LRRC38: variants seen among roughly 807,000 people sequenced by gnomAD.
The protein encoded by LRRC38 is leucine rich repeat containing 38.
In LRRC38, 5 loss-of-function variants were observed where a neutral mutation model predicts 16.4. The ratio of observed to expected loss-of-function variants is 0.31; its 90% CI spans 0.16 to 0.64. The LOEUF (loss-of-function observed/expected upper bound fraction) is 0.64. LRRC38 is among the 30% of genes least tolerant of loss of function. LRRC38 has a pLI of 0.80. For synonymous variants in LRRC38, 191 were observed against 190.2 expected (o/e 1.00, Z -0.04); for missense variants, 341 against 401.8 (o/e 0.85, Z 1.29).
chr1:13,484,034 A>C (rs1317649764), intron 1 of LRRC38, among the ~76,000 whole-genome samples: 1 of 152,084 alleles, frequency 6.6e-6, no homozygotes, highest in Non-Finnish European at 1.5e-5. Flanking sequence ...TCCTCTGCTC[A>C]ACATCCCTCC....
intron 1 of LRRC38, among the ~76,000 whole-genome samples, chr1:13,506,543 C>T (rs1639215831): frequency 6.6e-6 from 1 of 152,138 alleles, no homozygotes; most frequent in African/African-American, 2.4e-5. Flanking sequence ...CTGCAACCTC[C>T]ACCTCCCAGG....
At chr1:13,504,725 G>T (rs75270443) in intron 1 of LRRC38, among the ~76,000 whole-genome samples, 7,465 of 117,040 alleles carry the variant, frequency 0.064, 338 homozygotes, top group South Asian at 0.11. Context: ...TGTGTTGAAG[G>T]GGGGAGGGGA....
intron 1 of LRRC38, among the ~76,000 whole-genome samples, chr1:13,480,145 G>A (rs931303326): frequency 6.6e-6 from 1 of 152,202 alleles, no homozygotes; most frequent in Non-Finnish European, 1.5e-5. Context: ...AGGAGCTCCA[G>A]ACCAACCTCG....
In LRRC38 at chr1:13,475,663, G is replaced by C. The variant is rs944948176; in HGVS notation, c.*183C>G. 2 of 703,478 alleles carry C rather than the reference G, an allele frequency of 2.8e-6. No homozygotes were observed. Among genetic ancestry groups the C allele is most frequent in the Admixed American group, 5.9e-5 (2 of 33,924 alleles). 43.6% of individuals were successfully genotyped at this position (703,478 alleles called of 1,614,324 possible). ...CATCCTTCCTGGGCTTCTGTGCTCT[G>C]CTGATTCTAAACTCTGAGATCAGTG... is the stretch of plus-strand genomic sequence containing the variant. On this transcript the variant is annotated 3_prime_UTR_variant, in exon 2 of 2. Transcript: ENST00000376085. This position sits in a 1 kb window ranked among gnomAD's most constrained non-coding sequence, Gnocchi z 4.3.
At chr1:13,495,632 C>T (rs1362652087) in intron 1 of LRRC38, among the ~76,000 whole-genome samples, 3 of 152,090 alleles carry the variant, frequency 2.0e-5, no homozygotes, top group African/African-American at 7.2e-5. Flanking sequence ...AGGACTCAAG[C>T]ACCCTGGGCA....
intron 1 of LRRC38, among the ~76,000 whole-genome samples, chr1:13,501,431 C>T (rs1002809328): frequency 3.9e-5 from 6 of 152,032 alleles, no homozygotes; most frequent in East Asian, 3.9e-4. Flanking sequence ...TATTTTGAGA[C>T]GGAATCTCAC....
chr1:13,481,389 T>A (rs1026521427), intron 1 of LRRC38, among the ~76,000 whole-genome samples: 6 of 130,334 alleles, frequency 4.6e-5, no homozygotes, highest in East Asian at 2.3e-4. Context: ...TTTTTTATTT[T>A]TTTTTTTTTG....
Position 13,513,518 on chromosome 1 carries a change from G to C in LRRC38, c.76C>G (p.His26Asp). 3.5e-6 allele frequency: 5 copies of C among 1,442,820 alleles called. No individual in the cohort carries two copies. The highest frequency in any genetic ancestry group is 4.5e-6 in the Non-Finnish European group (5 of 1,099,354). 89.4% of individuals were successfully genotyped at this position (1,442,820 alleles called of 1,614,324 possible). A position where few individuals can be genotyped will look rare whatever the true frequency, so the allele number is the denominator to read the frequency against. The change falls in exon 1 of 2, where the codon CAC becomes GAC. Residue 26 changes from histidine (H) to aspartate (D), a missense_variant. By Grantham distance (81) the His-to-Asp change is moderately conservative (BLOSUM62 -1). Transcript: ENST00000376085. ...CAGGCGCAGCCCGCGGGGCACGCGT[G>C]CCCGGGCGCGAGCAGCAGCAGAAGG... is the stretch of plus-strand genomic sequence containing the variant. ...CSLLLLLAPG[H>D]ACPAGCACTD...
chr1:13,483,401 G>A (rs1306166279), intron 1 of LRRC38, among the ~76,000 whole-genome samples: 6 of 152,046 alleles, frequency 3.9e-5, no homozygotes, highest in African/African-American at 7.2e-5. Context: ...CACCTGCCTC[G>A]GCCTCCCGAA....
intron 1 of LRRC38, among the ~76,000 whole-genome samples, chr1:13,507,377 C>G (rs867187717): frequency 6.6e-6 from 1 of 152,218 alleles, no homozygotes; most frequent in Non-Finnish European, 1.5e-5. Context: ...GCATGAAAAC[C>G]GAGACTTCAG....
chr1:13,478,111 C>T (rs373034356), intron 1 of LRRC38, among the ~76,000 whole-genome samples: 1 of 152,080 alleles, frequency 6.6e-6, no homozygotes, highest in Non-Finnish European at 1.5e-5. Flanking sequence ...ACAATACGAG[C>T]TATGTGCAAA....
chr1:13,482,179 A>G (rs1258906309), intron 1 of LRRC38, among the ~76,000 whole-genome samples: 1 of 152,122 alleles, frequency 6.6e-6, no homozygotes, highest in Non-Finnish European at 1.5e-5. Context: ...GGAGAGTGGG[A>G]GGAAGAGAGA....
At chr1:13,503,185 G>A (rs76295158) in intron 1 of LRRC38, among the ~76,000 whole-genome samples, 5,247 of 152,214 alleles carry the variant, frequency 0.034, 166 homozygotes, top group East Asian at 0.16. Flanking sequence ...CCTAGAGCAG[G>A]GATCTACCAC....
chr1:13,512,926 CCT>C, intron 1 of LRRC38, 35 bp downstream of exon 1: 1 of 1,295,016 alleles, frequency 7.7e-7, no homozygotes, highest in Non-Finnish European at 1.1e-6. Context: ...TCCCTGCCCC[CCT>C]CCCTCCCTCC....
rs150210028 is a variant in LRRC38 at position 13,487,371 on chromosome 1, C to T, written c.632-11272G>A. On this transcript the variant is annotated intron_variant, in intron 1 of 1. Coordinates refer to ENST00000376085, the MANE Select transcript of LRRC38 (RefSeq NM_001010847.2). This position sits in a 1 kb window ranked among gnomAD's most constrained non-coding sequence, Gnocchi z 4.4. ...GTGGCATGAGGGCTTTGGGAGGCAG[C>T]GGGAGTGATGCAGCTCACCTCCCCA... Among the ~76,000 whole-genome samples the T allele has an allele frequency of 5.0e-3, 762 of 152,236 alleles. 7 individuals carry two copies. Among genetic ancestry groups the T allele is most frequent in the African/African-American group, 0.012 (480 of 41,554 alleles).
chr1:13,491,127 G>A (rs1639007047), intron 1 of LRRC38, among the ~76,000 whole-genome samples: 1 of 152,138 alleles, frequency 6.6e-6, no homozygotes, highest in Non-Finnish European at 1.5e-5. Context: ...GGGATTTGTC[G>A]ATGTCTGAAG....
chr1:13,481,759 T>C (rs201613607), intron 1 of LRRC38, among the ~76,000 whole-genome samples: 62 of 57,756 alleles, frequency 1.1e-3, no homozygotes, highest in Middle Eastern at 8.5e-3. Flanking sequence ...CTCACTTTCT[T>C]TCCCTCTCTC....
At chr1:13,501,190 A>G (rs921198266) in intron 1 of LRRC38, among the ~76,000 whole-genome samples, 3 of 151,988 alleles carry the variant, frequency 2.0e-5, no homozygotes, top group African/African-American at 7.3e-5. Context: ...TATACTAAAT[A>G]GTATGTGGCA....
intron 1 of LRRC38, among the ~76,000 whole-genome samples, chr1:13,507,355 C>G (rs1232110809): frequency 6.6e-6 from 1 of 152,184 alleles, no homozygotes; most frequent in Admixed American, 6.5e-5. Flanking sequence ...AACAGCAGGA[C>G]AGAGGTCACT....
Sources: allele counts gnomAD v4.1 joint callset (sites outside exome capture counted in the v4.1 genomes callset), GRCh38; gene constraint gnomAD v4.1.1; non-coding constraint Gnocchi (gnomAD v3.1); transcripts MANE v1.5; gene names NCBI Gene and HGNC (gene_info 2026-07-23, HGNC 2026-07-21).